Variants in DIAPH2 observed in about 807,000 individuals in gnomAD.
DIAPH2 encodes diaphanous related formin 2.
A neutral mutation model predicts 92.7 loss-of-function variants in DIAPH2; 35 were observed. The observed-to-expected ratio is 0.38, with a 90% confidence interval of 0.29 to 0.50. The LOEUF (loss-of-function observed/expected upper bound fraction) is 0.50. Among genes scored for constraint, DIAPH2 ranks in the 20% least tolerant of loss-of-function variants. DIAPH2 has a pLI of 0.94. For synonymous variants in DIAPH2, 301 were observed against 280.4 expected, an observed-to-expected ratio of 1.07 and a Z score of -0.73; for missense variants, 701 against 819.5, an observed-to-expected ratio of 0.86 and a Z score of 1.77.
At chrX:97,047,544 T>A in intron 17 of DIAPH2, among the ~76,000 whole-genome samples, 1 of 47,962 alleles carries the variant, frequency 2.1e-5, no homozygotes, top group East Asian at 5.4e-4. Context: ...AAAATAGGCT[T>A]TTTTTTTTTT....
intron 23 of DIAPH2, among the ~76,000 whole-genome samples, chrX:97,330,472 G>T (rs5921787): frequency 9.1e-6 from 1 of 109,925 alleles, no homozygotes; most frequent in East Asian, 2.8e-4. Flanking sequence ...TGTCCTCAAG[G>T]CTCATCCATG....
At chrX:96,967,459 G>T (rs1172656122) in intron 17 of DIAPH2, among the ~76,000 whole-genome samples, 4 of 108,737 alleles carry the variant, frequency 3.7e-5, no homozygotes, top group African/African-American at 1.0e-4. Flanking sequence ...CGGTCTTGTT[G>T]CCCAGGCTGG....
intron 17 of DIAPH2, among the ~76,000 whole-genome samples, chrX:97,012,514 A>G (rs190896378): frequency 8.9e-6 from 1 of 112,105 alleles, no homozygotes; most frequent in East Asian, 2.8e-4. Flanking sequence ...GAACTTATTA[A>G]ATGGCATATT....
chrX:97,052,197 C>T (rs1244628035), intron 17 of DIAPH2, among the ~76,000 whole-genome samples: 2 of 111,069 alleles, frequency 1.8e-5, no homozygotes, highest in African/African-American at 3.3e-5. Context: ...GAGACATGGG[C>T]GTCATCATGG....
chrX:97,326,756 A>C (rs1347789404), intron 23 of DIAPH2, among the ~76,000 whole-genome samples: 1 of 112,444 alleles, frequency 8.9e-6, no homozygotes, highest in Non-Finnish European at 1.9e-5. Flanking sequence ...GCATATATTA[A>C]GTTCAGCATT....
At chrX:97,481,456 A>G (rs761771144) in intron 26 of DIAPH2, among the ~76,000 whole-genome samples, 5 of 111,914 alleles carry the variant, frequency 4.5e-5, no homozygotes, top group Admixed American at 9.5e-5. Flanking sequence ...AAGTCAGACC[A>G]AGATGATAAG....
chrX:96,887,500 T>C (rs1252644283), intron 5 of DIAPH2, among the ~76,000 whole-genome samples: 1 of 111,314 alleles, frequency 9.0e-6, no homozygotes, highest in Non-Finnish European at 1.9e-5. Context: ...CAAGGTTTTT[T>C]CCTATGGCTC....
intron 17 of DIAPH2, among the ~76,000 whole-genome samples, chrX:96,991,264 G>A (rs761265351): frequency 9.1e-6 from 1 of 110,034 alleles, no homozygotes; most frequent in Non-Finnish European, 1.9e-5. Flanking sequence ...ACAGATGCAC[G>A]CCAACATGTC....
At chrX:97,205,369 G>C (rs999400838) in intron 22 of DIAPH2, among the ~76,000 whole-genome samples, 1 of 111,407 alleles carries the variant, frequency 9.0e-6, no homozygotes, top group Non-Finnish European at 1.9e-5. Flanking sequence ...AAAGAAACTA[G>C]CATCAGAGTG....
intron 4 of DIAPH2, among the ~76,000 whole-genome samples, chrX:96,799,302 A>G (rs1049897852): frequency 6.3e-5 from 7 of 111,511 alleles, no homozygotes; most frequent in African/African-American, 2.3e-4. Context: ...CCTGTTGCCC[A>G]ATGTCTAAAA....
At chrX:96,693,362 G>A (rs886468201) in intron 1 of DIAPH2, among the ~76,000 whole-genome samples, 6 of 111,996 alleles carry the variant, frequency 5.4e-5, no homozygotes, top group Non-Finnish European at 9.4e-5. Flanking sequence ...TGTTTGGCCC[G>A]GGAGGGAAAA....
intron 25 of DIAPH2, among the ~76,000 whole-genome samples, chrX:97,423,707 T>C (rs1195698910): frequency 8.9e-6 from 1 of 111,917 alleles, no homozygotes; most frequent in African/African-American, 3.2e-5. Flanking sequence ...TCTAAAGTGT[T>C]ACCTCTCAGA....
intron 17 of DIAPH2, among the ~76,000 whole-genome samples, chrX:96,967,427 T>C (rs5921017): frequency 3.7e-5 from 3 of 81,188 alleles, no homozygotes; most frequent in Admixed American, 1.3e-4. Context: ...TTCATTCATT[T>C]ATTCATTTTG....
chrX:97,475,012 T>C (rs1176456080), intron 26 of DIAPH2, among the ~76,000 whole-genome samples: 1 of 110,497 alleles, frequency 9.1e-6, no homozygotes, highest in African/African-American at 3.3e-5. Context: ...TTTAATCTAG[T>C]TCTTCTAATT....
chrX:96,898,867 G>A (rs778536777), intron 5 of DIAPH2, among the ~76,000 whole-genome samples: 46 of 106,721 alleles, frequency 4.3e-4, no homozygotes, highest in Middle Eastern at 4.8e-3. Context: ...TAGGTCTAAC[G>A]TTTAAGTCTT....
chrX:97,346,411 C>T (rs914634306), intron 23 of DIAPH2, among the ~76,000 whole-genome samples: 1 of 109,338 alleles, frequency 9.1e-6, no homozygotes, highest in African/African-American at 3.3e-5. Flanking sequence ...TCTCTTCTCC[C>T]TCCCCCCTTC....
intron 19 of DIAPH2, among the ~76,000 whole-genome samples, chrX:97,084,522 G>C (rs1362962237): frequency 9.0e-6 from 1 of 111,286 alleles, no homozygotes; most frequent in Non-Finnish European, 1.9e-5. Flanking sequence ...TCCTTTCTCT[G>C]TACTGTCTGA....
At chrX:97,058,395 G>A (rs1372491758) in intron 17 of DIAPH2, among the ~76,000 whole-genome samples, 2 of 108,297 alleles carry the variant, frequency 1.8e-5, no homozygotes, top group Admixed American at 2.0e-4. Flanking sequence ...TTGTAATATG[G>A]CTTCTCTTAT....
At chrX:96,788,332 C>T (rs2064474224) in intron 4 of DIAPH2, among the ~76,000 whole-genome samples, 1 of 111,856 alleles carries the variant, frequency 8.9e-6, no homozygotes, top group African/African-American at 3.2e-5. Context: ...AATTTATTTA[C>T]TTCTTTGTCT....
Sources: gnomAD v4.1 joint callset for allele counts (sites outside exome capture counted in the v4.1 genomes callset) on GRCh38, gnomAD v4.1.1 for gene constraint, MANE v1.5 for transcripts, NCBI Gene and HGNC (gene_info 2026-07-23, HGNC 2026-07-21) for gene names.